The following CDH23 variants were observed in gnomAD, a reference collection of about 807,000 sequenced individuals.
CDH23 encodes cadherin-23.
A neutral mutation model predicts 317.1 loss-of-function variants in CDH23; 189 were observed. The ratio of observed to expected loss-of-function variants is 0.60; its 90% CI spans 0.53 to 0.67. The LOEUF is 0.67. Ranked by LOEUF, CDH23 falls within the 30% of genes least tolerant of loss-of-function variation. CDH23 has a pLI of 0.00. For synonymous variants in CDH23, 1,839 were observed against 1,876.8 expected (o/e 0.98, Z 0.52); for missense variants, 4,401 against 4,592.4 (o/e 0.96, Z 1.20).
intron 41 of CDH23, among the ~76,000 whole-genome samples, chr10:71,782,080 C>G (rs1480455795): frequency 6.6e-6 from 1 of 152,224 alleles, no homozygotes; most frequent in African/African-American, 2.4e-5. Flanking sequence ...CAGCCTGAGG[C>G]TGGAAGGCTG....
intron 24 of CDH23, among the ~76,000 whole-genome samples, chr10:71,704,520 C>T (rs913125969): frequency 1.1e-4 from 16 of 152,194 alleles, no homozygotes; most frequent in African/African-American, 2.9e-4. Flanking sequence ...GTGAATCCAG[C>T]CTTCTACGTG....
intron 8 of CDH23, among the ~76,000 whole-genome samples, chr10:71,574,533 C>T (rs1858043523): frequency 6.6e-6 from 1 of 152,108 alleles, no homozygotes; most frequent in Non-Finnish European, 1.5e-5. Flanking sequence ...CCAGCCTGCT[C>T]CCCCCAAGGA....
intron 3 of CDH23, among the ~76,000 whole-genome samples, chr10:71,453,411 C>T (rs1053189319): frequency 6.6e-6 from 1 of 152,250 alleles, no homozygotes; most frequent in African/African-American, 2.4e-5. Flanking sequence ...CGGCAACTCC[C>T]CGCAGGAGCA....
chr10:71,779,406 A>G lies in CDH23; in HGVS notation c.5327A>G (p.Asn1776Ser), dbSNP rs1840896484. 4 of 1,613,270 alleles carry G rather than the reference A, an allele frequency of 2.5e-6. No individual in the cohort carries two copies. Among genetic ancestry groups the G allele is most frequent in the South Asian group, 2.2e-5 (2 of 91,048 alleles). ...FLAHDRDSGP[N>S]GQVEYSIMDG... Reference sequence around the variant, plus strand: ...GCCCATGACCGAGACTCAGGACCCAACGGGCAGGTGGAGTACAGCATCATG... The same window carrying G: ...GCCCATGACCGAGACTCAGGACCCAGCGGGCAGGTGGAGTACAGCATCATG... Residue 1776 changes from asparagine to serine, a missense_variant, in exon 41 of 70, where the codon AAC (asparagine) becomes AGC (serine). By Grantham distance (46) the Asn-to-Ser change is conservative. Transcript: ENST00000224721.
chr10:71,627,587 G>A (rs1397053024), intron 11 of CDH23, among the ~76,000 whole-genome samples: 1 of 152,188 alleles, frequency 6.6e-6, no homozygotes, highest in Non-Finnish European at 1.5e-5. Context: ...GTGAGGCAGG[G>A]CCTGTGTGGC....
chr10:71,742,136 G>C lies in CDH23; in HGVS notation c.4845+215G>C, dbSNP rs78104771. The C allele has an allele frequency of 3.6e-5, 21 of 580,644 alleles. No homozygotes were observed. The African/African-American group carries it at 3.7e-4, about 10-fold the overall frequency. The allele number at this position is 580,644 out of a possible 1,614,324, so 36.0% of individuals were successfully genotyped here. ...AGCTGGGGTGCTAGTTTGGCCTCCC[G>C]AGTCTATAGCTACTCAGAAGCTCTG... On this transcript the variant is annotated intron_variant, in intron 38 of 69. Transcript: ENST00000224721.
At chr10:71,438,062 C>T (rs757698249) in intron 1 of CDH23, among the ~76,000 whole-genome samples, 1 of 152,092 alleles carries the variant, frequency 6.6e-6, no homozygotes. Flanking sequence ...TGTGTTTCGT[C>T]ATGCATGGTG....
chr10:71,758,537 CG>C (rs1353725275), intron 38 of CDH23, among the ~76,000 whole-genome samples: 2 of 152,192 alleles, frequency 1.3e-5, no homozygotes, highest in African/African-American at 2.4e-5. Flanking sequence ...TGGCAAGCAC[CG>C]GGGGGCTAAC....
chr10:71,530,251 C>A (rs780027601), intron 6 of CDH23, among the ~76,000 whole-genome samples: 2 of 152,218 alleles, frequency 1.3e-5, no homozygotes, highest in Non-Finnish European at 2.9e-5. Context: ...GTAACAAGCC[C>A]TCCTTGGGGG....
Position 71,690,513 on chromosome 10 carries a change from G to T in CDH23, c.2105G>T (p.Arg702Leu). The change falls in exon 20 of 70, where the codon CGG (arginine) becomes CTG (leucine). Residue 702 changes from arginine (R) to leucine (L), a missense_variant. Physicochemically the swap from Arg to Leu is moderately radical, Grantham distance 102 (BLOSUM62 -2). This residue lies in a region of CDH23 where 3,068 missense variants were observed against 3,203.3 expected (regional missense o/e 0.96). Transcript: ENST00000224721. ...FLNATDLDRS[R>L]EYGQESIIYS... ...AATGCCACAGACCTGGACCGCTCCC[G>T]GGAGTACGGCCAGGAGTCCATCATC... The T allele has an allele frequency of 1.3e-5, 21 of 1,611,478 alleles. No homozygotes were observed. Among genetic ancestry groups the T allele is most frequent in the Non-Finnish European group, 1.7e-5 (20 of 1,178,980 alleles).
At chr10:71,625,418 A>AC (rs1861679142) in intron 11 of CDH23, among the ~76,000 whole-genome samples, 2 of 144,052 alleles carry the variant, frequency 1.4e-5, no homozygotes, top group Non-Finnish European at 3.1e-5. Context: ...AAAAAAAAAA[A>AC]AAAAAATGAC....
intron 6 of CDH23, among the ~76,000 whole-genome samples, chr10:71,559,315 A>G (rs1163715634): frequency 6.6e-6 from 1 of 152,194 alleles, no homozygotes; most frequent in Non-Finnish European, 1.5e-5. Flanking sequence ...TGGGACAAAA[A>G]CAGAATTAAA....
chr10:71,760,236 TACA>T, intron 38 of CDH23, among the ~76,000 whole-genome samples: 1 of 29,612 alleles, frequency 3.4e-5, no homozygotes, highest in Admixed American at 2.9e-4. Flanking sequence ...TATATGTATA[TACA>T]TATATATGTA....
intron 4 of CDH23, 104 bp downstream of exon 4, chr10:71,510,328 A>T: frequency 7.8e-7 from 1 of 1,280,914 alleles, no homozygotes; most frequent in Non-Finnish European, 1.1e-6. Context: ...CTAAGACCCC[A>T]TTCTGACTCC....
chr10:71,450,297 A>C (rs1589325359), intron 3 of CDH23, among the ~76,000 whole-genome samples: 2 of 127,842 alleles, frequency 1.6e-5, no homozygotes, highest in Admixed American at 9.3e-5. Flanking sequence ...ACGGAGTCTC[A>C]CTCTGTCACC....
chr10:71,751,867 A>G lies in CDH23; in HGVS notation c.4845+9946A>G. 6.5e-7 allele frequency: 1 copy of G among 1,541,742 alleles called. No individual in the cohort carries two copies. Among genetic ancestry groups the G allele is most frequent in the Non-Finnish European group, 8.8e-7 (1 of 1,142,354 alleles). ...TTTCAATCCCTTGAATGTTGCTGCC[A>G]CAGAACCAGAATGGAAGGTCATCTG... On this transcript the variant is annotated intron_variant, in intron 38 of 69. Transcript: ENST00000224721. This position sits in a 1 kb window ranked among gnomAD's most constrained non-coding sequence, Gnocchi z 4.9.
chr10:71,587,638 C>T (rs1473229142), intron 9 of CDH23, among the ~76,000 whole-genome samples: 1 of 152,194 alleles, frequency 6.6e-6, no homozygotes. Flanking sequence ...TGCCTGCATC[C>T]ACCTTTCCAG....
intron 3 of CDH23, among the ~76,000 whole-genome samples, chr10:71,463,208 C>T (rs1477274442): frequency 2.0e-5 from 3 of 152,132 alleles, no homozygotes; most frequent in South Asian, 4.1e-4. Flanking sequence ...GAAATTAGAT[C>T]GGGACCATAT....
At chr10:71,398,939 AT>A (rs1847659822) in intron 1 of CDH23, among the ~76,000 whole-genome samples, 1 of 152,118 alleles carries the variant, frequency 6.6e-6, no homozygotes. Flanking sequence ...CTGGGTCCGC[AT>A]ATACTTCTCA....
Sources: allele counts gnomAD v4.1 joint callset (sites outside exome capture counted in the v4.1 genomes callset), GRCh38; gene constraint gnomAD v4.1.1; regional missense constraint gnomAD v4.1.1; non-coding constraint Gnocchi (gnomAD v3.1); transcripts MANE v1.5; gene names NCBI Gene and HGNC (gene_info 2026-07-23, HGNC 2026-07-21).